PEBP4: variants seen among roughly 807,000 people sequenced by gnomAD.
The protein encoded by PEBP4 is phosphatidylethanolamine binding protein 4.
PEBP4 carries 22 observed loss-of-function variants against 23.9 expected under a neutral mutation model. The ratio of observed to expected loss-of-function variants is 0.92; its 90% CI spans 0.66 to 1.31. The LOEUF (loss-of-function observed/expected upper bound fraction) is 1.31. PEBP4 is among the 40% of genes most tolerant of loss of function. The probability of loss-of-function intolerance (pLI) is 0.00; values close to 1 mark genes in which losing one functional copy is unlikely to be tolerated. For missense variants in PEBP4, 324 were observed against 281.7 expected, an observed-to-expected ratio of 1.15 and a Z score of -1.07; for synonymous variants, 112 against 99.3, an observed-to-expected ratio of 1.13 and a Z score of -0.76.
At chr8:22,770,286 C>A (rs941959832) in intron 4 of PEBP4, among the ~76,000 whole-genome samples, 2 of 152,206 alleles carry the variant, frequency 1.3e-5, no homozygotes, top group Admixed American at 1.3e-4. Flanking sequence ...CCTGGTGAAA[C>A]CTGCTCTCTG....
intron 4 of PEBP4, chr8:22,745,516 G>A (rs1356743307): frequency 6.6e-6 from 1 of 152,326 alleles, no homozygotes; most frequent in East Asian, 1.9e-4. Flanking sequence ...TTGGCTCATG[G>A]ATGATCTCAG....
intron 4 of PEBP4, among the ~76,000 whole-genome samples, chr8:22,742,873 G>C (rs570364491): frequency 6.6e-6 from 1 of 152,234 alleles, no homozygotes; most frequent in Non-Finnish European, 1.5e-5. Context: ...CGGTGTCCCT[G>C]TATGGGGCGG....
intron 4 of PEBP4, among the ~76,000 whole-genome samples, chr8:22,786,314 G>T (rs762457126): frequency 2.0e-5 from 3 of 152,110 alleles, no homozygotes; most frequent in Non-Finnish European, 4.4e-5. Flanking sequence ...ACAGGGTCTT[G>T]CTCTGCTTCC....
chr8:22,814,007 G>A (rs1258460692), intron 4 of PEBP4, among the ~76,000 whole-genome samples: 2 of 152,198 alleles, frequency 1.3e-5, no homozygotes, highest in African/African-American at 4.8e-5. Context: ...TGTCACCAAT[G>A]CTAACCTAGC....
rs116952524 is a variant in PEBP4, at chr8:22,765,468, C to A, written c.358-38248G>T. On this transcript the variant is annotated intron_variant, in intron 4 of 6. Coordinates refer to ENST00000256404, the MANE Select transcript of PEBP4 (RefSeq NM_144962.3). ...CCAGGTCCTCAGTTTCTTAGAAACA[C>A]CTTCTCTTAGGGACAAACATTGTCC... Among the ~76,000 whole-genome samples the A allele has an allele frequency of 3.4e-3, 525 of 152,274 alleles. 33 individuals carry two copies. In the East Asian group the frequency reaches 0.092, roughly 27 times the overall value.
At chr8:22,778,311 G>A (rs1278279355) in intron 4 of PEBP4, among the ~76,000 whole-genome samples, 1 of 151,962 alleles carries the variant, frequency 6.6e-6, no homozygotes, top group Non-Finnish European at 1.5e-5. Context: ...TTCCATGTGA[G>A]ACTGGATCCT....
intron 3 of PEBP4, among the ~76,000 whole-genome samples, chr8:22,834,822 A>G (rs1807166614): frequency 6.6e-6 from 1 of 152,206 alleles, no homozygotes; most frequent in Admixed American, 6.5e-5. Context: ...GAGAGGGGAC[A>G]AGTGTGTGAC....
intron 3 of PEBP4, among the ~76,000 whole-genome samples, chr8:22,904,233 C>G (rs1808765705): frequency 6.6e-6 from 1 of 152,144 alleles, no homozygotes; most frequent in South Asian, 2.1e-4. Flanking sequence ...TGCTGAGGGA[C>G]CCCAGGGCTC....
Position 22,911,112 on chromosome 8 carries a change from A to G in PEBP4, c.258+9072T>C, listed in dbSNP as rs912916256. 5.3e-5 allele frequency among the ~76,000 whole-genome samples: 8 copies of G among 152,186 alleles called. No homozygotes were observed. The South Asian group carries it at 8.3e-4, about 16-fold the overall frequency. The stretch of plus-strand genomic sequence containing the variant: ...TGTGAACCTAAGACTGCTCTAAAAC[A>G]TAAAGTCTATTAAAAATAAATAAAT... On this transcript the variant is annotated intron_variant, in intron 3 of 6. Transcript: ENST00000256404.
intron 3 of PEBP4, among the ~76,000 whole-genome samples, chr8:22,837,882 A>G (rs1334009129): frequency 4.8e-5 from 5 of 105,034 alleles, no homozygotes; most frequent in Admixed American, 9.3e-5. Flanking sequence ...TTATTAGATT[A>G]TTATATTCTT....
intron 3 of PEBP4, among the ~76,000 whole-genome samples, chr8:22,889,642 T>C (rs1808451881): frequency 6.6e-6 from 1 of 152,042 alleles, no homozygotes; most frequent in Non-Finnish European, 1.5e-5. Flanking sequence ...AGACAACCTC[T>C]ATCAATAGCA....
intron 3 of PEBP4, among the ~76,000 whole-genome samples, chr8:22,881,552 G>A (rs1198529862): frequency 2.6e-5 from 4 of 152,146 alleles, no homozygotes; most frequent in Non-Finnish European, 5.9e-5. Context: ...GTATCTAATA[G>A]ACACAAAATA....
intron 3 of PEBP4, among the ~76,000 whole-genome samples, chr8:22,862,576 A>C (rs1357998153): frequency 6.6e-6 from 1 of 152,152 alleles, no homozygotes; most frequent in Non-Finnish European, 1.5e-5. Context: ...ATTCAGAGTA[A>C]TTACCATTTA....
At chr8:22,716,268 C>A (rs1804418171) in intron 6 of PEBP4, among the ~76,000 whole-genome samples, 1 of 152,218 alleles carries the variant, frequency 6.6e-6, no homozygotes, top group Admixed American at 6.5e-5. Flanking sequence ...TGTTCTCATC[C>A]TGCATAGCCA....
intron 4 of PEBP4, among the ~76,000 whole-genome samples, chr8:22,816,024 A>C (rs1806732856): frequency 6.6e-6 from 1 of 152,164 alleles, no homozygotes; most frequent in Admixed American, 6.5e-5. Flanking sequence ...CTTCAGGGCA[A>C]TACTTCTCTC....
At chr8:22,925,341 G>A (rs1359125619) in intron 2 of PEBP4, 3 of 985,310 alleles carry the variant, frequency 3.0e-6, no homozygotes, top group Non-Finnish European at 3.6e-6. Context: ...TGAACCTGGG[G>A]TGAAGGTTGT....
chr8:22,715,593 CCT>C (rs905570000), intron 6 of PEBP4, among the ~76,000 whole-genome samples: 4 of 152,214 alleles, frequency 2.6e-5, no homozygotes, highest in African/African-American at 7.2e-5. Flanking sequence ...GAAGAAATCC[CCT>C]GAGTCCAGAG....
chr8:22,930,643 C>T (rs144529195), upstream of PEBP4, among the ~76,000 whole-genome samples: 18 of 152,164 alleles, frequency 1.2e-4, no homozygotes, highest in East Asian at 3.3e-3. Flanking sequence ...GGCCCTTAGC[C>T]CTGGATGCCT....
At chr8:22,773,689 A>G (rs1805760470) in intron 4 of PEBP4, among the ~76,000 whole-genome samples, 1 of 152,116 alleles carries the variant, frequency 6.6e-6, no homozygotes, top group Non-Finnish European at 1.5e-5. Flanking sequence ...GATGTTCCCA[A>G]TGTTGGCATC....
Sources: gnomAD v4.1 joint callset for allele counts (sites outside exome capture counted in the v4.1 genomes callset) on GRCh38, gnomAD v4.1.1 for gene constraint, MANE v1.5 for transcripts, NCBI Gene and HGNC (gene_info 2026-07-23, HGNC 2026-07-21) for gene names.